The following TMEM163 variants were observed in gnomAD, a reference collection of about 807,000 sequenced individuals.
The protein encoded by TMEM163 is transmembrane protein 163.
TMEM163 carries 17 observed loss-of-function variants against 29.3 expected under a neutral mutation model. The ratio of observed to expected loss-of-function variants is 0.58; its 90% CI spans 0.40 to 0.87. The LOEUF is 0.87. Ranked by LOEUF, TMEM163 falls within the 40% of genes least tolerant of loss-of-function variation. The probability of loss-of-function intolerance (pLI) is 0.00; values close to 1 mark genes in which losing one functional copy is unlikely to be tolerated. For missense variants in TMEM163, 303 were observed against 381.5 expected (o/e 0.79, Z 1.71); for synonymous variants, 157 against 160.6 (o/e 0.98, Z 0.17).
At chr2:134,601,589 C>T (rs899153313) in intron 2 of TMEM163, among the ~76,000 whole-genome samples, 1 of 152,222 alleles carries the variant, frequency 6.6e-6, no homozygotes, top group Non-Finnish European at 1.5e-5. Flanking sequence ...CGGCCTGCCT[C>T]CTAAATGGGT....
intron 2 of TMEM163, among the ~76,000 whole-genome samples, chr2:134,630,263 T>G (rs1682937236): frequency 6.6e-6 from 1 of 151,392 alleles, no homozygotes; most frequent in Non-Finnish European, 1.5e-5. Flanking sequence ...ACATGATAAG[T>G]CTCTAGGACA....
chr2:134,591,275 A>T (rs1039640167), intron 2 of TMEM163, among the ~76,000 whole-genome samples: 1 of 152,050 alleles, frequency 6.6e-6, no homozygotes, highest in Admixed American at 6.5e-5. Context: ...TAATTCTCTC[A>T]GTTGTGAGTC....
At chr2:134,541,398 T>A (rs76590470) in intron 4 of TMEM163, among the ~76,000 whole-genome samples, 1 of 152,274 alleles carries the variant, frequency 6.6e-6, no homozygotes, top group Non-Finnish European at 1.5e-5. Flanking sequence ...TAGTATGACC[T>A]TTTTGGAGCA....
At chr2:134,630,138 C>G (rs774041690) in intron 2 of TMEM163, among the ~76,000 whole-genome samples, 42 of 152,116 alleles carry the variant, frequency 2.8e-4, no homozygotes, top group Non-Finnish European at 4.1e-4. Flanking sequence ...TGTCACTTAC[C>G]AGCTGTGTGA....
At chr2:134,482,887 G>A (rs774473817) in intron 5 of TMEM163, among the ~76,000 whole-genome samples, 9 of 152,182 alleles carry the variant, frequency 5.9e-5, no homozygotes, top group Admixed American at 1.3e-4. Context: ...CATCAGGTTC[G>A]TCGGTGGGCT....
intron 5 of TMEM163, among the ~76,000 whole-genome samples, chr2:134,479,458 C>T (rs564826065): frequency 1.8e-4 from 28 of 152,280 alleles, no homozygotes; most frequent in Middle Eastern, 3.4e-3. Flanking sequence ...AAGAACCTGA[C>T]GGACCCCTGG....
At chr2:134,495,076 G>T (rs554015881) in intron 5 of TMEM163, among the ~76,000 whole-genome samples, 67 of 152,334 alleles carry the variant, frequency 4.4e-4, no homozygotes, top group African/African-American at 1.6e-3. Context: ...GCTGAGGGGT[G>T]GTGGGAATTG....
rs115131530 is a variant in TMEM163, at chr2:134,546,319, A to G, written c.458+4251T>C. Among the ~76,000 whole-genome samples, 988 of 152,278 alleles carry G rather than the reference A, an allele frequency of 6.5e-3. 12 individuals are homozygous for G. Among genetic ancestry groups the G allele is most frequent in the African/African-American group, 0.023 (938 of 41,558 alleles). On this transcript the variant is annotated intron_variant, in intron 4 of 7. Coordinates refer to ENST00000281924, the MANE Select transcript of TMEM163 (RefSeq NM_030923.5). The stretch of plus-strand genomic sequence containing the variant: ...CCATCGATGGATGAATGGATAAACA[A>G]AATGTGGCATATATTTACAATAGAA...
At chr2:134,584,920 C>A (rs1441566308) in intron 2 of TMEM163, among the ~76,000 whole-genome samples, 2 of 152,146 alleles carry the variant, frequency 1.3e-5, no homozygotes, top group Non-Finnish European at 2.9e-5. Context: ...GCAGCAGAGT[C>A]CAATGCCCAG....
chr2:134,673,054 T>G (rs115192283), intron 2 of TMEM163, among the ~76,000 whole-genome samples: 1 of 152,164 alleles, frequency 6.6e-6, no homozygotes, highest in African/African-American at 2.4e-5. Context: ...AGCTGCAACA[T>G]TGAACTTTTG....
chr2:134,479,604 C>G (rs1687002206), intron 5 of TMEM163, among the ~76,000 whole-genome samples: 1 of 152,192 alleles, frequency 6.6e-6, no homozygotes, highest in South Asian at 2.1e-4. Flanking sequence ...AGCATCCCTT[C>G]TGTACAAACG....
rs151154861 is a variant in TMEM163, at chr2:134,691,060, G to T, written c.322+22140C>A. On this transcript the variant is annotated intron_variant, in intron 2 of 7. Coordinates refer to ENST00000281924, the MANE Select transcript of TMEM163 (RefSeq NM_030923.5). Reference sequence around the variant, plus strand: ...GCTGGCGGGAATGGTAGTCAGGGGTGGGGGAGGCACTCTGCCAATCACTGG... The same window carrying T: ...GCTGGCGGGAATGGTAGTCAGGGGTTGGGGAGGCACTCTGCCAATCACTGG... Among the ~76,000 whole-genome samples, 122 of 152,258 alleles carry T rather than the reference G, an allele frequency of 8.0e-4. 2 individuals carry two copies. The East Asian group carries it at 0.014, about 18-fold the overall frequency.
chr2:134,571,473 A>C (rs905225715), intron 2 of TMEM163, among the ~76,000 whole-genome samples: 4 of 152,166 alleles, frequency 2.6e-5, no homozygotes, highest in African/African-American at 9.7e-5. Context: ...TTACTCCGAA[A>C]AAAAAAATCT....
intron 2 of TMEM163, among the ~76,000 whole-genome samples, chr2:134,650,402 C>A (rs577484054): frequency 1.4e-3 from 211 of 151,876 alleles, no homozygotes; most frequent in South Asian, 2.9e-3. Context: ...ATAAATCAAA[C>A]TTGAAAGATT....
chr2:134,693,710 T>A (rs1344404851), intron 2 of TMEM163, among the ~76,000 whole-genome samples: 1 of 151,898 alleles, frequency 6.6e-6, no homozygotes, highest in Non-Finnish European at 1.5e-5. Flanking sequence ...TTACTGTGAA[T>A]TCCATACCTG....
chr2:134,718,925 G>A lies in TMEM163; in HGVS notation c.11C>T (p.Ala4Val). Residue 4 changes from alanine (A) to valine (V), a missense_variant, in exon 1 of 8, where the codon GCC (alanine) becomes GTC (valine). Physicochemically the swap from Ala to Val is moderately conservative, Grantham distance 64 (BLOSUM62 0). Coordinates refer to ENST00000281924, the MANE Select transcript of TMEM163 (RefSeq NM_030923.5). MEP[A>V]AGIQRRSSQG... ...GGAGCTGCGGCGCTGGATGCCCGCG[G>A]CCGGCTCCATGGCGCGGGGCTGCGG... The A allele has an allele frequency of 2.8e-6, 3 of 1,056,372 alleles. No homozygotes were observed. The highest frequency in any genetic ancestry group is 3.4e-6 in the Non-Finnish European group (3 of 877,752). The allele number at this position is 1,056,372 out of a possible 1,614,324, so 65.4% of individuals were successfully genotyped here. A position where few individuals can be genotyped will look rare whatever the true frequency, so the allele number is the denominator to read the frequency against.
chr2:134,541,775 C>A (rs200599812), intron 4 of TMEM163, among the ~76,000 whole-genome samples: 2 of 15,424 alleles, frequency 1.3e-4, no homozygotes, highest in Non-Finnish European at 1.7e-4. Context: ...CACACGTGCA[C>A]ACACACACAC....
intron 2 of TMEM163, among the ~76,000 whole-genome samples, chr2:134,679,951 C>A (rs1684195861): frequency 6.6e-6 from 1 of 152,008 alleles, no homozygotes; most frequent in Admixed American, 6.5e-5. Context: ...CTATACCTGC[C>A]AGAATAAACG....
chr2:134,635,841 G>C (rs2104836085), intron 2 of TMEM163, among the ~76,000 whole-genome samples: 1 of 152,218 alleles, frequency 6.6e-6, no homozygotes, highest in Middle Eastern at 3.4e-3. Flanking sequence ...GTTCCAAGTG[G>C]AAAAGACCGT....
Sources: gnomAD v4.1 joint callset for allele counts (sites outside exome capture counted in the v4.1 genomes callset) on GRCh38, gnomAD v4.1.1 for gene constraint, MANE v1.5 for transcripts, NCBI Gene and HGNC (gene_info 2026-07-23, HGNC 2026-07-21) for gene names.